Variants in FCN1 observed in about 807,000 individuals in gnomAD.
FCN1 encodes the protein ficolin-1.
A neutral mutation model predicts 35.6 loss-of-function variants in FCN1; 42 were observed. The observed-to-expected ratio is 1.18, with a 90% confidence interval of 0.92 to 1.53. The LOEUF is 1.53. Ranked by LOEUF, FCN1 falls within the 40% of genes most tolerant of loss-of-function variation. FCN1 has a pLI of 0.00. For missense variants in FCN1, 439 were observed against 428.4 expected, an observed-to-expected ratio of 1.02 and a Z score of -0.22; for synonymous variants, 179 against 169.8, an observed-to-expected ratio of 1.05 and a Z score of -0.42.
intron 7 of FCN1, among the ~76,000 whole-genome samples, chr9:134,912,140 A>G (rs1370662427): frequency 1.3e-5 from 2 of 152,176 alleles, no homozygotes; most frequent in East Asian, 3.8e-4. Context: ...TGGGCTCTCC[A>G]TGGGACTAAG....
At position 134,912,539 on chromosome 9, in the gene FCN1, T is replaced by C. The variant is rs748932415; in HGVS notation, c.545A>G (p.Gln182Arg). 5 of 1,614,072 alleles carry C rather than the reference T, an allele frequency of 3.1e-6. No individual in the cohort carries two copies. Among genetic ancestry groups the C allele is most frequent in the South Asian group, 1.1e-5 (1 of 91,078 alleles). Reference protein sequence around the residue: ...WAAYKQGFGSQLGEFWLGNDN... With the variant: ...WAAYKQGFGSRLGEFWLGNDN... The stretch of plus-strand genomic sequence containing the variant: ...ATTCCCCAGCCAGAACTCCCCCAGC[T>C]GACTGCCGAAGCCCTGCTTGTATGC... The change falls in exon 7 of 9, where the codon CAG (glutamine) becomes CGG (arginine). Residue 182 changes from glutamine (Q) to arginine (R), a missense_variant. Coordinates refer to ENST00000371806, the MANE Select transcript of FCN1 (RefSeq NM_002003.5).
chr9:134,910,281 C>T (rs73664196), intron 8 of FCN1, among the ~76,000 whole-genome samples: 224 of 152,264 alleles, frequency 1.5e-3, no homozygotes, highest in African/African-American at 4.9e-3. Context: ...CAGCAACCAC[C>T]TGTTTCCTCC....
In FCN1 at chr9:134,905,674, C is replaced by T. The variant is rs536550084; in HGVS notation, c.*4124G>A. ...AATTTTTTTGTATTTTTAGTAGAGA[C>T]GGGGTTTCATCATGTTAGCCAGGAT... On this transcript the variant is annotated 3_prime_UTR_variant, in exon 9 of 9. Coordinates refer to ENST00000371806, the MANE Select transcript of FCN1 (RefSeq NM_002003.5). 4.5e-4 allele frequency among the ~76,000 whole-genome samples: 68 copies of T among 151,554 alleles called. 2 individuals carry two copies. Among genetic ancestry groups the T allele is most frequent in the South Asian group, 2.1e-4 (1 of 4,778 alleles).
chr9:134,911,258 T>C lies in FCN1; in HGVS notation c.608A>G (p.Glu203Gly). The part of the protein sequence containing the change: ...IHALTAQGSS[E>G]LRVDLVDFEG... ...AAAGTCCACCAGGTCTACACGGAGC[T>C]CGCTGCTTCCTGTTGGAAAAAGATT... The change falls in exon 8 of 9, where the codon GAG (glutamate) becomes GGG (glycine). Residue 203 changes from glutamate to glycine, a missense_variant. Coordinates refer to ENST00000371806, the MANE Select transcript of FCN1 (RefSeq NM_002003.5). 6.2e-7 allele frequency: 1 copy of C among 1,614,064 alleles called. No individual in the cohort carries two copies.
Position 134,905,108 on chromosome 9 carries a change from A to G in FCN1, c.*4690T>C, listed in dbSNP as rs761768172. 2.9e-4 allele frequency among the ~76,000 whole-genome samples: 44 copies of G among 152,248 alleles called. No homozygotes were observed. Among genetic ancestry groups the G allele is most frequent in the Non-Finnish European group, 5.0e-4 (34 of 68,046 alleles). ...GTATACCGTAAAAAATCAAGGCTAT[A>G]TATTGCAATCGCAAGCATAAACACC... is the stretch of plus-strand genomic sequence containing the variant. On this transcript the variant is annotated 3_prime_UTR_variant, in exon 9 of 9. Coordinates refer to ENST00000371806, the MANE Select transcript of FCN1 (RefSeq NM_002003.5).
Position 134,909,740 on chromosome 9 carries a change from A to G in FCN1, c.*58T>C. On this transcript the variant is annotated 3_prime_UTR_variant, in exon 9 of 9. Transcript: ENST00000371806. ...GGAAATGGGGTGACTTCCACGACGC[A>G]GCGCTTGTGGGTGTGGCCTCCCCAC... The G allele has an allele frequency of 1.2e-6, 2 of 1,603,252 alleles. No individual in the cohort carries two copies. Among genetic ancestry groups the G allele is most frequent in the South Asian group, 2.2e-5 (2 of 90,416 alleles).
rs747597744 is a variant in FCN1, at chr9:134,913,106, A to G, written c.378T>C (p.Tyr126=). 6 of 1,613,872 alleles carry G rather than the reference A, an allele frequency of 3.7e-6. No homozygotes were observed. Among genetic ancestry groups the G allele is most frequent in the Middle Eastern group, 1.6e-4 (1 of 6,084 alleles). ...AGATGGTGTGCCAGCCGCTCAGGAA[A>G]TACCCCCGGTCTAGCAGGTCCTTGC... ...RNCKDLLDRG[Y]FLSGWHTIYL... The change falls in exon 6 of 9, where the codon TAT becomes TAC. Residue 126 remains tyrosine (Y), a synonymous_variant. Transcript: ENST00000371806.
intron 5 of FCN1, 75 bp from the exon 6 acceptor site, chr9:134,913,218 G>A (rs2118939144): frequency 1.3e-6 from 2 of 1,559,878 alleles, no homozygotes; most frequent in East Asian, 2.3e-5. Flanking sequence ...GGGAGGCCCA[G>A]GAGGGAGGAG....
Position 134,909,799 on chromosome 9 carries a change from T to G in FCN1, c.980A>C (p.Ter327SerextTer11), listed in dbSNP as rs771767522. 1 of 1,613,110 alleles carries G rather than the reference T, an allele frequency of 6.2e-7. No homozygotes were observed. Among genetic ancestry groups the G allele is most frequent in the South Asian group, 1.1e-5 (1 of 91,056 alleles). Residue 327 changes from the stop codon to serine, a stop_lost, in exon 9 of 9, where the codon TAG becomes TCG. Coordinates refer to ENST00000371806, the MANE Select transcript of FCN1 (RefSeq NM_002003.5). ...GCATGTGGAGGGGTCCTGGCCCGTC[T>G]AGGCGGGCCGCACCTTCATCTCTGA... ...KVSEMKVRPA* is the reference protein window; with the variant it reads ...KVSEMKVRPAS
At position 134,911,260 on chromosome 9, in the gene FCN1, G is replaced by A. The variant is rs142943184; in HGVS notation, c.606C>T (p.Ser202=). 2,883 of 1,613,870 alleles carry A rather than the reference G, an allele frequency of 1.8e-3. 3 individuals carry two copies. The highest frequency in any genetic ancestry group is 2.0e-3 in the Non-Finnish European group (2,351 of 1,179,852). Residue 202 remains serine, a synonymous_variant, in exon 8 of 9, where the codon AGC becomes AGT. Coordinates refer to ENST00000371806, the MANE Select transcript of FCN1 (RefSeq NM_002003.5). ...AGTCCACCAGGTCTACACGGAGCTCGCTGCTTCCTGTTGGAAAAAGATTTT... is the reference window on the plus strand; with the variant it reads ...AGTCCACCAGGTCTACACGGAGCTCACTGCTTCCTGTTGGAAAAAGATTTT... The part of the protein sequence containing the change: ...NIHALTAQGS[S]ELRVDLVDFE...
Position 134,913,601 on chromosome 9 carries a change from T to C in FCN1, c.320A>G (p.Gln107Arg), listed in dbSNP as rs1413202253. The part of the protein sequence containing the change: ...GMRGEKGDAG[Q>R]SQSCATGPRN... ...GTCACCTGTCGCACACGACTGAGAC[T>C]GCCCAGCGTCTCCTGTGTGGGGAGA... is the stretch of plus-strand genomic sequence containing the variant. The change falls in exon 5 of 9, where the codon CAG becomes CGG. Residue 107 changes from glutamine to arginine, a missense_variant. Coordinates refer to ENST00000371806, the MANE Select transcript of FCN1 (RefSeq NM_002003.5). 1.2e-6 allele frequency: 2 copies of C among 1,607,078 alleles called. No individual in the cohort carries two copies. The highest frequency in any genetic ancestry group is 2.7e-5 in the African/African-American group (2 of 74,788).
Position 134,914,385 on chromosome 9 carries a change from C to T in FCN1, c.307G>A (p.Gly103Arg). Residue 103 changes from glycine to arginine, a missense_variant and splice_region_variant, in exon 4 of 9, where the codon GGA becomes AGA. Transcript: ENST00000371806. ...RGEKGMRGEK[G>R]DAGQSQSCAT... ...CTGCCTGGGCCCACGGGTGGCTCAC[C>T]TTTCTCTCCACGCATCCCCTTCTCT... is the stretch of plus-strand genomic sequence containing the variant. 2 of 1,614,112 alleles carry T rather than the reference C, an allele frequency of 1.2e-6. No homozygotes were observed. Among genetic ancestry groups the T allele is most frequent in the Non-Finnish European group, 1.7e-6 (2 of 1,179,952 alleles).
intron 1 of FCN1, 46 bp from the exon 2 acceptor site, chr9:134,916,507 G>T (rs1831094315): frequency 2.5e-6 from 4 of 1,571,158 alleles, no homozygotes; most frequent in Non-Finnish European, 2.6e-6. Context: ...CCCAACAGTG[G>T]CTGGGAAGTG....
chr9:134,916,761 A>G (rs947567647), intron 1 of FCN1, among the ~76,000 whole-genome samples: 35 of 152,348 alleles, frequency 2.3e-4, no homozygotes, highest in African/African-American at 7.7e-4. Context: ...TGCATTTTAA[A>G]TCTCTTATTG....
chr9:134,912,385 C>T, intron 7 of FCN1, 101 bp downstream of exon 7: 1 of 1,243,774 alleles, frequency 8.0e-7, no homozygotes, highest in Non-Finnish European at 1.1e-6. Context: ...AGGGCCCAAT[C>T]CCCTGTGGGC....
At position 134,909,747 on chromosome 9, in the gene FCN1, G is replaced by C. The variant is rs1466743394; in HGVS notation, c.*51C>G. ...GGGTGACTTCCACGACGCAGCGCTT[G>C]TGGGTGTGGCCTCCCCACTAGCAGG... On this transcript the variant is annotated 3_prime_UTR_variant, in exon 9 of 9. Transcript: ENST00000371806. 8.7e-6 allele frequency: 14 copies of C among 1,605,684 alleles called. No homozygotes were observed. Among genetic ancestry groups the C allele is most frequent in the Non-Finnish European group, 1.2e-5 (14 of 1,179,404 alleles).
chr9:134,913,463 G>C (rs372299905), intron 5 of FCN1, 118 bp downstream of exon 5: 38 of 756,146 alleles, frequency 5.0e-5, no homozygotes, highest in African/African-American at 1.2e-4. Context: ...AGTGATTGAG[G>C]GGGGGATGAT....
rs1830915527 is a variant in FCN1, at chr9:134,904,236, A to G, written c.*5562T>C. Among the ~76,000 whole-genome samples the G allele has an allele frequency of 6.6e-6, 1 of 152,228 alleles. No individual in the cohort carries two copies. The highest frequency in any genetic ancestry group is 1.5e-5 in the Non-Finnish European group (1 of 68,044). On this transcript the variant is annotated 3_prime_UTR_variant, in exon 9 of 9. Coordinates refer to ENST00000371806, the MANE Select transcript of FCN1 (RefSeq NM_002003.5). ...GTAAAACTATCAAGGCAAAGAAAAA[A>G]AATTTTATAAATGTATTTTTTGAAA...
chr9:134,913,659 C>G (rs756573092), intron 4 of FCN1, 46 bp from the exon 5 acceptor site: 11 of 1,534,478 alleles, frequency 7.2e-6, no homozygotes, highest in Non-Finnish European at 9.8e-6. Flanking sequence ...AAATCAGAGC[C>G]TTTGTCCTGG....
Sources: allele counts gnomAD v4.1 joint callset (sites outside exome capture counted in the v4.1 genomes callset), GRCh38; gene constraint gnomAD v4.1.1; transcripts MANE v1.5; gene names NCBI Gene and HGNC (gene_info 2026-07-23, HGNC 2026-07-21).